Variants in GPD1L observed in about 807,000 individuals in gnomAD.
The protein encoded by GPD1L is glycerol-3-phosphate dehydrogenase 1 like.
GPD1L carries 17 observed loss-of-function variants against 32.9 expected under a neutral mutation model. The ratio of observed to expected loss-of-function variants is 0.52; its 90% CI spans 0.35 to 0.78. The LOEUF (loss-of-function observed/expected upper bound fraction) is 0.78, where lower values mean the gene tolerates loss of function less well. Ranked by LOEUF, GPD1L falls within the 30% of genes least tolerant of loss-of-function variation. The pLI is 0.01. For synonymous variants in GPD1L, 187 were observed against 165.9 expected, an observed-to-expected ratio of 1.13 and a Z score of -0.98; for missense variants, 361 against 447.8, an observed-to-expected ratio of 0.81 and a Z score of 1.75.
intron 4 of GPD1L, among the ~76,000 whole-genome samples, chr3:32,144,608 G>T (rs1470677530): frequency 6.6e-6 from 1 of 152,128 alleles, no homozygotes; most frequent in Non-Finnish European, 1.5e-5. Flanking sequence ...CCACATGGCT[G>T]TCCGGCATTA....
intron 5 of GPD1L, 92 bp from the exon 6 acceptor site, chr3:32,158,784 C>T (rs1242892115): frequency 1.3e-5 from 20 of 1,551,694 alleles, no homozygotes; most frequent in Non-Finnish European, 1.7e-5. Context: ...TGTCCCTGGT[C>T]TGCCCCTGCC....
chr3:32,127,801 C>T (rs771184485), intron 1 of GPD1L, among the ~76,000 whole-genome samples: 16 of 152,120 alleles, frequency 1.1e-4, no homozygotes, highest in African/African-American at 2.2e-4. Context: ...CTGCCTGTGA[C>T]GTTGTCTTCC....
At chr3:32,147,859 C>T (rs955257312) in intron 5 of GPD1L, among the ~76,000 whole-genome samples, 1 of 152,028 alleles carries the variant, frequency 6.6e-6, no homozygotes, top group African/African-American at 2.4e-5. Context: ...AAACCACTCT[C>T]TAGAATTAAC....
intron 5 of GPD1L, among the ~76,000 whole-genome samples, chr3:32,156,120 C>A (rs1353533229): frequency 6.6e-6 from 1 of 152,208 alleles, no homozygotes; most frequent in Non-Finnish European, 1.5e-5. Context: ...CCCGACCCCC[C>A]AGCATCTCTC....
At chr3:32,162,966 C>T (rs1701091596) in intron 7 of GPD1L, among the ~76,000 whole-genome samples, 1 of 151,952 alleles carries the variant, frequency 6.6e-6, no homozygotes, top group Non-Finnish European at 1.5e-5. Flanking sequence ...ACCACGTTGC[C>T]CAGGCTGGTC....
chr3:32,120,508 G>T lies in GPD1L; in HGVS notation c.48-7568G>T, dbSNP rs1356413628. ...AGTCAAGGTGGTCTTTCTGAGTGGT[G>T]GGGGAGGTATATTTAACATTCCACA... On this transcript the variant is annotated intron_variant, in intron 1 of 7. Coordinates refer to ENST00000282541, the MANE Select transcript of GPD1L (RefSeq NM_015141.4). 5.9e-5 allele frequency among the ~76,000 whole-genome samples: 9 copies of T among 152,242 alleles called. No homozygotes were observed. In the East Asian group the frequency reaches 1.7e-3, roughly 29 times the overall value.
Position 32,159,549 on chromosome 3 carries a change from A to G in GPD1L, c.853-19A>G, listed in dbSNP as rs750536517. ...TCTTTACCATAGTTTTTTTAAATATATAATCCTTTGTTTTTAAGACCATTG... is the reference window on the plus strand; with the variant it reads ...TCTTTACCATAGTTTTTTTAAATATGTAATCCTTTGTTTTTAAGACCATTG... On this transcript the variant is annotated intron_variant, in intron 6 of 7. Transcript: ENST00000282541. 22 of 1,370,774 alleles carry G rather than the reference A, an allele frequency of 1.6e-5. No individual in the cohort carries two copies. The highest frequency in any genetic ancestry group is 2.3e-5 in the Non-Finnish European group (22 of 958,334). 84.9% of individuals were successfully genotyped at this position (1,370,774 alleles called of 1,614,324 possible).
At chr3:32,157,151 T>G (rs1415767747) in intron 5 of GPD1L, among the ~76,000 whole-genome samples, 6 of 152,140 alleles carry the variant, frequency 3.9e-5, no homozygotes, top group Admixed American at 3.9e-4. Flanking sequence ...TACTTATTAT[T>G]TGGGCCCAGC....
intron 5 of GPD1L, chr3:32,158,583 A>C: frequency 1.8e-6 from 1 of 559,376 alleles, no homozygotes; most frequent in South Asian, 2.1e-5. Flanking sequence ...GTTTGTCCAA[A>C]CATTATTTAA....
intron 1 of GPD1L, among the ~76,000 whole-genome samples, chr3:32,123,931 G>T (rs1700466084): frequency 6.6e-6 from 1 of 152,120 alleles, no homozygotes; most frequent in Non-Finnish European, 1.5e-5. Flanking sequence ...GTGGCCGCAG[G>T]TCCCCAACTA....
intron 6 of GPD1L, 55 bp downstream of exon 6, chr3:32,159,164 C>A: frequency 7.4e-7 from 1 of 1,352,090 alleles, no homozygotes; most frequent in Non-Finnish European, 1.1e-6. Flanking sequence ...AGACTCCTGG[C>A]TTGGGGTGAA....
At chr3:32,147,632 G>A (rs1202353639) in intron 5 of GPD1L, among the ~76,000 whole-genome samples, 2 of 152,162 alleles carry the variant, frequency 1.3e-5, no homozygotes, top group Non-Finnish European at 2.9e-5. Context: ...GGGAATAGGG[G>A]AAATAAAAAG....
At chr3:32,147,842 G>A (rs1224048462) in intron 5 of GPD1L, among the ~76,000 whole-genome samples, 2 of 152,094 alleles carry the variant, frequency 1.3e-5, no homozygotes, top group Non-Finnish European at 2.9e-5. Flanking sequence ...TTTCTAGTCA[G>A]AAGTTAAAAC....
intron 5 of GPD1L, among the ~76,000 whole-genome samples, chr3:32,149,839 C>T (rs144529906): frequency 0.1 from 15,520 of 151,948 alleles, 858 homozygotes; most frequent in South Asian, 0.13. Flanking sequence ...ATCCCAGCTA[C>T]TCGGGAGGCT....
At chr3:32,121,228 T>C (rs955435525) in intron 1 of GPD1L, among the ~76,000 whole-genome samples, 16 of 151,894 alleles carry the variant, frequency 1.1e-4, no homozygotes, top group African/African-American at 3.9e-4. Context: ...CTGTCTCCTC[T>C]TCTCTCCTTC....
At chr3:32,158,311 T>C (rs1701022310) in intron 5 of GPD1L, 1 of 160,540 alleles carries the variant, frequency 6.2e-6, no homozygotes, top group African/African-American at 2.4e-5. Context: ...TCACAAAAAG[T>C]TGAAAGGCAG....
chr3:32,106,810 C>G lies in GPD1L; in HGVS notation c.47+52C>G, dbSNP rs956003047. 1.5e-5 allele frequency: 23 copies of G among 1,523,378 alleles called. No homozygotes were observed. The highest frequency in any genetic ancestry group is 2.0e-5 in the Non-Finnish European group (23 of 1,132,444). The allele number at this position is 1,523,378 out of a possible 1,614,324, so 94.4% of individuals were successfully genotyped here. The stretch of plus-strand genomic sequence containing the variant: ...GGCTCCGCTTCCAGGAAGCGCCTCT[C>G]CCGGGCGGTGAGGGCTGCGCGCCCC... On this transcript the variant is annotated intron_variant, in intron 1 of 7. Coordinates refer to ENST00000282541, the MANE Select transcript of GPD1L (RefSeq NM_015141.4). This position sits in a 1 kb window ranked among gnomAD's most constrained non-coding sequence, Gnocchi z 4.0.
intron 7 of GPD1L, among the ~76,000 whole-genome samples, chr3:32,161,107 T>C (rs925422699): frequency 6.6e-6 from 1 of 152,074 alleles, no homozygotes; most frequent in Non-Finnish European, 1.5e-5. Context: ...TTTATCCTGG[T>C]TCTGTCAGTT....
At chr3:32,114,236 C>T (rs993312500) in intron 1 of GPD1L, among the ~76,000 whole-genome samples, 37 of 152,232 alleles carry the variant, frequency 2.4e-4, no homozygotes, top group African/African-American at 8.4e-4. Flanking sequence ...GGGTGACCAG[C>T]CCACATGTCT....
Sources: allele counts gnomAD v4.1 joint callset (sites outside exome capture counted in the v4.1 genomes callset), GRCh38; gene constraint gnomAD v4.1.1; non-coding constraint Gnocchi (gnomAD v3.1); transcripts MANE v1.5; gene names NCBI Gene and HGNC (gene_info 2026-07-23, HGNC 2026-07-21).